POTEG: variants seen among roughly 807,000 people sequenced by gnomAD.
POTEG encodes the protein ANKRD26-like family C member 2.
Under a neutral mutation model 49.6 loss-of-function variants are expected in POTEG, and 2 were observed. That is an observed-to-expected ratio of 0.04 (90% CI 0.02 to 0.13). POTEG has a LOEUF of 0.13. POTEG is among the 10% of genes least tolerant of loss of function. The pLI is 1.00. For missense variants in POTEG, 26 were observed against 545.2 expected, an observed-to-expected ratio of 0.05 and a Z score of 9.48; for synonymous variants, 7 against 186.6, an observed-to-expected ratio of 0.04 and a Z score of 7.84.
chr14:19,414,745 A>G, intron 7 of POTEG, 139 bp from the exon 8 acceptor site: 2 of 1,129,722 alleles, frequency 1.8e-6, no homozygotes, highest in Non-Finnish European at 2.3e-6. Flanking sequence ...AATTAAAATT[A>G]AACTTAAAAA....
intron 5 of POTEG, chr14:19,423,688 CCT>C (rs1491497614): frequency 6.3e-6 from 1 of 159,220 alleles, no homozygotes; most frequent in African/African-American, 2.5e-5. Flanking sequence ...ATTGCAATGT[CCT>C]TTTTTTTCTC....
intron 7 of POTEG, among the ~76,000 whole-genome samples, chr14:19,415,925 A>G (rs1883546020): frequency 7.3e-6 from 1 of 137,884 alleles, no homozygotes; most frequent in African/African-American, 2.6e-5. Context: ...GCTCACTGCA[A>G]GCTCCACCCC....
chr14:19,421,468 TA>T, intron 6 of POTEG, 155 bp downstream of exon 6: 1 of 934,622 alleles, frequency 1.1e-6, no homozygotes, highest in Non-Finnish European at 1.6e-6. Context: ...AATAATAATA[TA>T]AAATAGCACA....
chr14:19,408,137 A>ACC (rs1188701330), intron 9 of POTEG, among the ~76,000 whole-genome samples: 1 of 126 alleles, frequency 7.9e-3, no homozygotes, highest in Non-Finnish European at 0.016. Context: ...GCTATTATTA[A>ACC]CCAAGTCATC....
chr14:19,432,380 A>G (rs1259349191), intron 1 of POTEG, among the ~76,000 whole-genome samples: 3 of 67,298 alleles, frequency 4.5e-5, no homozygotes, highest in Non-Finnish European at 7.3e-5. Context: ...ATATATATAT[A>G]TATATATATA....
At chr14:19,415,829 ATTTTTTTTTTTTTTTT>A (rs58833974) in intron 7 of POTEG, among the ~76,000 whole-genome samples, 6 of 96,748 alleles carry the variant, frequency 6.2e-5, no homozygotes, top group South Asian at 3.2e-4. Context: ...ATCTATTAAA[ATTTTTTTTTTTTTTTT>A]TTTTTTTTTT....
chr14:19,432,432 G>T (rs375115933), intron 1 of POTEG, among the ~76,000 whole-genome samples: 2 of 63,912 alleles, frequency 3.1e-5, no homozygotes, highest in African/African-American at 7.2e-5. Flanking sequence ...ATGTATATAC[G>T]TATATATATA....
At chr14:19,415,150 G>A (rs1451231046) in intron 7 of POTEG, among the ~76,000 whole-genome samples, 1 of 144,646 alleles carries the variant, frequency 6.9e-6, no homozygotes, top group African/African-American at 2.5e-5. Context: ...AATTTTAATT[G>A]AAATTATATA....
At chr14:19,415,174 G>C (rs1385192974) in intron 7 of POTEG, among the ~76,000 whole-genome samples, 2 of 144,062 alleles carry the variant, frequency 1.4e-5, no homozygotes, top group Non-Finnish European at 3.1e-5. Flanking sequence ...TAATATGATA[G>C]TGTTATGTAT....
intron 3 of POTEG, chr14:19,426,990 TAAAAAAAAAA>T (rs372154880): frequency 5.2e-5 from 15 of 286,030 alleles, no homozygotes; most frequent in African/African-American, 3.8e-4. Context: ...AGACTCAATC[TAAAAAAAAAA>T]AAAAAAGTCA....
At chr14:19,415,959 C>G (rs1372977428) in intron 7 of POTEG, among the ~76,000 whole-genome samples, 2 of 149,494 alleles carry the variant, frequency 1.3e-5, no homozygotes, top group African/African-American at 4.9e-5. Flanking sequence ...ATTCTCCTGC[C>G]TCAGCCTCCT....
chr14:19,414,980 C>T (rs1342359215), intron 7 of POTEG, among the ~76,000 whole-genome samples: 9 of 141,976 alleles, frequency 6.3e-5, no homozygotes, highest in Non-Finnish European at 1.4e-4. Flanking sequence ...GTTGCAAAAC[C>T]TTCCTCACTT....
At chr14:19,432,366 G>GTGTGTATATATA (rs1555310346) in intron 1 of POTEG, among the ~76,000 whole-genome samples, 9 of 37,864 alleles carry the variant, frequency 2.4e-4, no homozygotes, top group Non-Finnish European at 3.7e-4. Flanking sequence ...AAGAAATTTT[G>GTGTGTATATATA]TATATATATA....
At chr14:19,417,302 T>C (rs1883614175) in intron 6 of POTEG, among the ~76,000 whole-genome samples, 2 of 148,792 alleles carry the variant, frequency 1.3e-5, no homozygotes, top group African/African-American at 2.5e-5. Context: ...TTGCACATCA[T>C]CTTTGTAAAA....
At chr14:19,415,911 C>T (rs1163496502) in intron 7 of POTEG, among the ~76,000 whole-genome samples, 1 of 131,260 alleles carries the variant, frequency 7.6e-6, no homozygotes, top group Admixed American at 8.5e-5. Context: ...AGTGGCAGAT[C>T]TCGGCTCACT....
At position 19,424,496 on chromosome 14, in the gene POTEG, A is replaced by C. The variant is rs535400901; in HGVS notation, c.918-194T>G. Reference sequence around the variant, plus strand: ...GTTAAAAGGAAGGGACAAAAAAAAAACCCTCTTATCTCAGTGGGGTATTGC... The same window carrying C: ...GTTAAAAGGAAGGGACAAAAAAAAACCCCTCTTATCTCAGTGGGGTATTGC... On this transcript the variant is annotated intron_variant, in intron 4 of 10. Coordinates refer to ENST00000547848, the MANE Select transcript of POTEG (RefSeq NM_001005356.3). 76 of 300,110 alleles carry C rather than the reference A, an allele frequency of 2.5e-4. 24 individuals carry two copies. The Admixed American group carries it at 3.0e-3, about 12-fold the overall frequency. The allele number at this position is 300,110 out of a possible 1,614,324, so 18.6% of individuals were successfully genotyped here.
intron 4 of POTEG, 136 bp downstream of exon 4, chr14:19,425,470 T>C (rs1317140798): frequency 1.5e-5 from 3 of 194,500 alleles, no homozygotes; most frequent in Non-Finnish European, 3.1e-5. Context: ...GTCCAAATAA[T>C]TGTTTTTCTA....
intron 6 of POTEG, among the ~76,000 whole-genome samples, chr14:19,417,346 A>C (rs1883615786): frequency 8.5e-6 from 1 of 117,628 alleles, no homozygotes; most frequent in South Asian, 2.9e-4. Flanking sequence ...ATTTGTATTG[A>C]GTCCTGCTAC....
intron 7 of POTEG, among the ~76,000 whole-genome samples, 162 bp from the exon 8 acceptor site, chr14:19,414,768 T>C (rs1316840671): frequency 2.0e-5 from 3 of 147,306 alleles, no homozygotes; most frequent in African/African-American, 7.3e-5. Context: ...TAAATAATAA[T>C]TAAAATTAAG....
Sources: gnomAD v4.1 joint callset for allele counts (sites outside exome capture counted in the v4.1 genomes callset) on GRCh38, gnomAD v4.1.1 for gene constraint, MANE v1.5 for transcripts, NCBI Gene and HGNC (gene_info 2026-07-23, HGNC 2026-07-21) for gene names.